The following PACSIN2 variants were observed in gnomAD, a reference collection of about 807,000 sequenced individuals.
PACSIN2 encodes protein kinase C and casein kinase substrate in neurons 2, also known as protein kinase C and casein kinase substrate in neurons protein 2.
In PACSIN2, 25 loss-of-function variants were observed where a neutral mutation model predicts 63.8. That is an observed-to-expected ratio of 0.39 (90% CI 0.29 to 0.55). PACSIN2 has a LOEUF of 0.55. Ranked by LOEUF, PACSIN2 falls within the 20% of genes least tolerant of loss-of-function variation. The pLI is 0.62. For synonymous variants in PACSIN2, 255 were observed against 256.2 expected (o/e 1.00, Z 0.05); for missense variants, 518 against 646.9 (o/e 0.80, Z 2.16).
intron 1 of PACSIN2, among the ~76,000 whole-genome samples, chr22:42,933,401 C>T (rs1932822748): frequency 6.6e-6 from 1 of 152,214 alleles, no homozygotes; most frequent in Non-Finnish European, 1.5e-5. Context: ...ACTGCAGATT[C>T]TCAAAACAAG....
chr22:42,931,163 T>C (rs541058543), intron 1 of PACSIN2, among the ~76,000 whole-genome samples: 2 of 152,348 alleles, frequency 1.3e-5, no homozygotes, highest in South Asian at 2.1e-4. Context: ...TTGTTCACAG[T>C]TGTATCCCAC....
At chr22:42,910,178 T>A (rs1434420469) in intron 2 of PACSIN2, among the ~76,000 whole-genome samples, 2 of 152,192 alleles carry the variant, frequency 1.3e-5, no homozygotes, top group Non-Finnish European at 2.9e-5. Context: ...TTGCCTCTCC[T>A]GGCCTATCCC....
intron 10 of PACSIN2, among the ~76,000 whole-genome samples, chr22:42,874,503 G>A (rs1189254995): frequency 6.6e-6 from 1 of 152,164 alleles, no homozygotes. Flanking sequence ...GGTAGGTGTG[G>A]GCAGGTAGGT....
At chr22:42,936,519 G>A (rs1057172779) in intron 1 of PACSIN2, among the ~76,000 whole-genome samples, 2 of 152,184 alleles carry the variant, frequency 1.3e-5, no homozygotes, top group Admixed American at 6.5e-5. Flanking sequence ...ATAGGCAAAG[G>A]CAAAGGATGG....
At chr22:42,937,910 T>C (rs1025577852) in intron 1 of PACSIN2, among the ~76,000 whole-genome samples, 1 of 152,188 alleles carries the variant, frequency 6.6e-6, no homozygotes, top group Non-Finnish European at 1.5e-5. Flanking sequence ...TCCAGAAGGC[T>C]TCAATCTCCC....
intron 2 of PACSIN2, among the ~76,000 whole-genome samples, chr22:42,900,924 ATGATGCG>A (rs1305786073): frequency 6.6e-6 from 1 of 152,162 alleles, no homozygotes; most frequent in Non-Finnish European, 1.5e-5. Flanking sequence ...TCAACATGAG[ATGATGCG>A]TGTGCTTCCA....
intron 2 of PACSIN2, among the ~76,000 whole-genome samples, chr22:42,907,979 G>T (rs1233807102): frequency 1.3e-5 from 2 of 152,258 alleles, no homozygotes; most frequent in Admixed American, 6.5e-5. Flanking sequence ...CCTACAGGGA[G>T]CGCCTTCCTG....
chr22:42,872,568 A>C (rs192518499), intron 10 of PACSIN2, among the ~76,000 whole-genome samples: 1 of 152,172 alleles, frequency 6.6e-6, no homozygotes, highest in African/African-American at 2.4e-5. Context: ...GCTGGTCAAC[A>C]TGCCTGCGGA....
Position 42,870,937 on chromosome 22 carries a change from T to C in PACSIN2, c.*420A>G, listed in dbSNP as rs1046114107. On this transcript the variant is annotated 3_prime_UTR_variant, in exon 11 of 11. Transcript: ENST00000263246. ...GTATAACTGTACACAGCCTTTAAATTAAAAACCTCAAAATCTTCACTCAAA... is the reference window on the plus strand; with the variant it reads ...GTATAACTGTACACAGCCTTTAAATCAAAAACCTCAAAATCTTCACTCAAA... The C allele has an allele frequency of 1.0e-5, 2 of 200,942 alleles. No homozygotes were observed. Among genetic ancestry groups the C allele is most frequent in the African/African-American group, 4.6e-5 (2 of 43,738 alleles). The allele number at this position is 200,942 out of a possible 1,614,324, so 12.4% of individuals were successfully genotyped here.
chr22:43,002,260 A>G (rs1923817093), intron 1 of PACSIN2: 1 of 152,162 alleles, frequency 6.6e-6, no homozygotes, highest in African/African-American at 2.4e-5. Context: ...TCCAATATGC[A>G]TCCCTTAAGT....
chr22:42,963,417 C>A (rs945227750), intron 1 of PACSIN2, among the ~76,000 whole-genome samples: 1 of 152,196 alleles, frequency 6.6e-6, no homozygotes, highest in Non-Finnish European at 1.5e-5. Flanking sequence ...ACACGCAGGG[C>A]AGCACTTCCC....
chr22:42,885,598 G>A (rs776749089), intron 5 of PACSIN2, among the ~76,000 whole-genome samples: 5 of 151,860 alleles, frequency 3.3e-5, no homozygotes, highest in African/African-American at 4.8e-5. Context: ...CTGCCCATGC[G>A]GCTCCCCTCC....
intron 8 of PACSIN2, among the ~76,000 whole-genome samples, chr22:42,878,533 C>T (rs1040145969): frequency 6.6e-6 from 1 of 152,212 alleles, no homozygotes; most frequent in East Asian, 1.9e-4. Context: ...CAGCCAATGA[C>T]TAAGTCAGAA....
intron 1 of PACSIN2, among the ~76,000 whole-genome samples, chr22:43,010,018 C>T (rs144305526): frequency 0.01 from 1,537 of 151,646 alleles, 34 homozygotes; most frequent in African/African-American, 0.035. Context: ...TATAGGCGCA[C>T]GCCACCATAC....
chr22:43,004,510 C>CAGCT (rs1188907421), intron 1 of PACSIN2, among the ~76,000 whole-genome samples: 1 of 152,198 alleles, frequency 6.6e-6, no homozygotes, highest in Non-Finnish European at 1.5e-5. Context: ...GCCAATCAGA[C>CAGCT]AGCTACAGAA....
chr22:42,882,217 C>T lies in PACSIN2; in HGVS notation c.873G>A (p.Gly291=). The T allele has an allele frequency of 6.2e-7, 1 of 1,614,078 alleles. No individual in the cohort carries two copies. The change falls in exon 7 of 11, where the codon GGG becomes GGA. Residue 291 remains glycine, a synonymous_variant. Coordinates refer to ENST00000263246, the MANE Select transcript of PACSIN2 (RefSeq NM_001184970.3). ...GCGGCCAGTTCATGGCCATGCCCGG[C>T]CCGTGATTGGCTCGGAACCACCTCA... is the stretch of plus-strand genomic sequence containing the variant. ...EDLRWFRANH[G]PGMAMNWPQF...
intron 1 of PACSIN2, among the ~76,000 whole-genome samples, chr22:42,960,438 A>G (rs1481626978): frequency 2.0e-5 from 3 of 152,084 alleles, no homozygotes; most frequent in Non-Finnish European, 4.4e-5. Context: ...CAGGCAGGTG[A>G]CCCCATGGTC....
chr22:42,926,180 T>C (rs780951799), intron 1 of PACSIN2, among the ~76,000 whole-genome samples: 1 of 152,198 alleles, frequency 6.6e-6, no homozygotes, highest in Non-Finnish European at 1.5e-5. Flanking sequence ...CTTATATCTC[T>C]CTGGAACATG....
At chr22:42,892,038 A>G (rs1224096889) in intron 3 of PACSIN2, among the ~76,000 whole-genome samples, 1 of 152,204 alleles carries the variant, frequency 6.6e-6, no homozygotes, top group Non-Finnish European at 1.5e-5. Context: ...CCCATCCTGC[A>G]GGAGGAAGGA....
Sources: allele counts gnomAD v4.1 joint callset (sites outside exome capture counted in the v4.1 genomes callset), GRCh38; gene constraint gnomAD v4.1.1; transcripts MANE v1.5; gene names NCBI Gene and HGNC (gene_info 2026-07-23, HGNC 2026-07-21).